IBTK: variants seen among roughly 807,000 people sequenced by gnomAD.
IBTK encodes BTK-binding protein.
IBTK carries 83 observed loss-of-function variants against 154.9 expected under a neutral mutation model. The observed-to-expected ratio is 0.54, with a 90% confidence interval of 0.45 to 0.64. The LOEUF (loss-of-function observed/expected upper bound fraction) is 0.64. Ranked by LOEUF, IBTK falls within the 30% of genes least tolerant of loss-of-function variation. IBTK has a pLI of 0.00. For synonymous variants in IBTK, 515 were observed against 536.1 expected, an observed-to-expected ratio of 0.96 and a Z score of 0.54; for missense variants, 1,332 against 1,584.6, an observed-to-expected ratio of 0.84 and a Z score of 2.71.
Position 82,201,429 on chromosome 6 carries a change from C to T in IBTK, c.2783G>A (p.Arg928Gln), listed in dbSNP as rs773778685. The stretch of plus-strand genomic sequence containing the variant: ...TTAAAACATAAACCTTACCATTTTC[C>T]GGTAAAACTCAGAAAGATCCTTCAA... ...GVLKDLSEFY[R>Q]KMIPAMDRRV... Residue 928 changes from arginine to glutamine, a missense_variant, in exon 19 of 29, where the codon CGG becomes CAG. Arg to Gln is a conservative substitution (Grantham distance 43). This residue lies in a region of IBTK where 1,134 missense variants were observed against 1,274.7 expected (regional missense o/e 0.89). Transcript: ENST00000306270. 4.5e-5 allele frequency: 72 copies of T among 1,606,892 alleles called. No homozygotes were observed. Among genetic ancestry groups the T allele is most frequent in the Non-Finnish European group, 5.4e-5 (64 of 1,175,882 alleles).
At chr6:82,214,888 T>C (rs1769812455) in intron 11 of IBTK, 59 bp from the exon 12 acceptor site, 7 of 1,486,176 alleles carry the variant, frequency 4.7e-6, no homozygotes, top group Non-Finnish European at 5.4e-6. Context: ...TCCTTTTTCA[T>C]ACCTAGCCAA....
At chr6:82,231,899 A>G in intron 3 of IBTK, 57 bp from the exon 4 acceptor site, 1 of 953,458 alleles carries the variant, frequency 1.0e-6, no homozygotes, top group Non-Finnish European at 1.6e-6. Flanking sequence ...TATAAGAACT[A>G]ATTTAACTAC....
At position 82,214,837 on chromosome 6, in the gene IBTK, G is replaced by A. The variant is rs1484095010; in HGVS notation, c.1602-8C>T. 6.5e-7 allele frequency: 1 copy of A among 1,536,822 alleles called. No homozygotes were observed. The highest frequency in any genetic ancestry group is 1.3e-5 in the South Asian group (1 of 78,428). ...GCTGGAATTTCATAAAGGCTAGAAAGAAGACAAAAACAAATTATGCTTCAA... is the reference window on the plus strand; with the variant it reads ...GCTGGAATTTCATAAAGGCTAGAAAAAAGACAAAAACAAATTATGCTTCAA... On this transcript the variant is annotated splice_region_variant and splice_polypyrimidine_tract_variant and intron_variant, in intron 11 of 28. Coordinates refer to ENST00000306270, the MANE Select transcript of IBTK (RefSeq NM_015525.4).
rs758273435 is a variant in IBTK, at chr6:82,240,406, C to G, written c.81G>C (p.Lys27Asn). 1 of 1,614,144 alleles carries G rather than the reference C, an allele frequency of 6.2e-7. No individual in the cohort carries two copies. The highest frequency in any genetic ancestry group is 8.5e-7 in the Non-Finnish European group (1 of 1,180,032). ...AGGCCTTAATCTGGTTTTCGCTCCC[C>G]TTTGTTACCACAGAAAGGACATCCA... is the stretch of plus-strand genomic sequence containing the variant. ...HALDVLSVVTKGSENQIKAFL... is the reference protein window; with the variant it reads ...HALDVLSVVTNGSENQIKAFL... The change falls in exon 2 of 29, where the codon AAG becomes AAC. Residue 27 changes from lysine to asparagine, a missense_variant. Transcript: ENST00000306270.
intron 1 of IBTK, among the ~76,000 whole-genome samples, chr6:82,242,920 A>G (rs1162963248): frequency 6.8e-6 from 1 of 147,354 alleles, no homozygotes; most frequent in African/African-American, 2.5e-5. Flanking sequence ...CTGGTGACAA[A>G]GCAAGACTCT....
At chr6:82,219,103 A>C (rs1769976689) in intron 9 of IBTK, among the ~76,000 whole-genome samples, 1 of 151,888 alleles carries the variant, frequency 6.6e-6, no homozygotes, top group African/African-American at 2.4e-5. Context: ...TACAAACTGG[A>C]GCTCTAATTC....
chr6:82,191,920 C>T lies in IBTK; in HGVS notation c.3339-41G>A, dbSNP rs1421908074. 5 of 1,140,302 alleles carry T rather than the reference C, an allele frequency of 4.4e-6. No individual in the cohort carries two copies. The South Asian group carries it at 5.5e-5, about 13-fold the overall frequency. 70.6% of individuals were successfully genotyped at this position (1,140,302 alleles called of 1,614,324 possible). ...GGTTACTTTGCAAAGCATTCATTTA[C>T]CTATAAAGCCCAACCCCCAACTTCA... is the stretch of plus-strand genomic sequence containing the variant. On this transcript the variant is annotated intron_variant, in intron 23 of 28. Transcript: ENST00000306270.
intron 9 of IBTK, among the ~76,000 whole-genome samples, chr6:82,218,884 A>C (rs928002956): frequency 2.2e-4 from 34 of 152,216 alleles, no homozygotes; most frequent in African/African-American, 7.5e-4. Context: ...AGGTCGCTAA[A>C]AAGTTATTCA....
chr6:82,200,627 T>G lies in IBTK; in HGVS notation c.2872A>C (p.Ile958Leu). The G allele has an allele frequency of 6.3e-7, 1 of 1,592,544 alleles. No individual in the cohort carries two copies. The highest frequency in any genetic ancestry group is 8.5e-7 in the Non-Finnish European group (1 of 1,171,016). The change falls in exon 20 of 29, where the codon ATC becomes CTC. Residue 958 changes from isoleucine to leucine, a missense_variant. Transcript: ENST00000306270. The stretch of plus-strand genomic sequence containing the variant: ...ATATTTATTTCTTCTTTCAAGAAGA[T>G]ATCTCCATCTTCTACTTCCAAATAG... ...ISYLEVEDGD[I>L]FLKEEINMEQ...
In IBTK at chr6:82,234,148, A is replaced by T. The variant is rs758895836; in HGVS notation, c.418+11T>A. ...GCCGCAGCGCCCAGCCCATTTGTGA[A>T]ATTTTCTTACCAGTATTCTTGAATA... On this transcript the variant is annotated intron_variant, in intron 3 of 28. Coordinates refer to ENST00000306270, the MANE Select transcript of IBTK (RefSeq NM_015525.4). 15 of 1,467,708 alleles carry T rather than the reference A, an allele frequency of 1.0e-5. No homozygotes were observed. The highest frequency in any genetic ancestry group is 1.2e-5 in the Non-Finnish European group (13 of 1,055,426). 90.9% of individuals were successfully genotyped at this position (1,467,708 alleles called of 1,614,324 possible).
At chr6:82,236,681 T>A (rs1295099614) in intron 2 of IBTK, among the ~76,000 whole-genome samples, 1 of 152,234 alleles carries the variant, frequency 6.6e-6, no homozygotes, top group African/African-American at 2.4e-5. Flanking sequence ...GTTATAGCTA[T>A]GAAGTTTTAT....
intron 25 of IBTK, among the ~76,000 whole-genome samples, chr6:82,187,643 T>C (rs1289169384): frequency 6.6e-6 from 1 of 151,912 alleles, no homozygotes. Flanking sequence ...AGTCATCAGG[T>C]GGGTGACAGT....
intron 16 of IBTK, among the ~76,000 whole-genome samples, chr6:82,208,456 T>C (rs1253419230): frequency 6.6e-6 from 1 of 152,066 alleles, no homozygotes; most frequent in Non-Finnish European, 1.5e-5. Flanking sequence ...CAAGTCAACA[T>C]AGACAATTTG....
rs190024429 is a variant in IBTK, at chr6:82,195,524, G to C, written c.3174+774C>G. ...GCCCGGGAAATCAAAGCTGCAGTGA[G>C]CTGATACTATACCACTGCACTCCAG... On this transcript the variant is annotated intron_variant, in intron 22 of 28. Coordinates refer to ENST00000306270, the MANE Select transcript of IBTK (RefSeq NM_015525.4). Among the ~76,000 whole-genome samples the C allele has an allele frequency of 1.2e-3, 184 of 152,080 alleles. 1 individual carries two copies. Among genetic ancestry groups the C allele is most frequent in the African/African-American group, 4.2e-3 (174 of 41,482 alleles).
In IBTK at chr6:82,191,875, C is replaced by T; in HGVS notation, c.3343G>A (p.Val1115Ile). Reference protein sequence around the residue: ...ASWVAGSFSPVSPPVVDLRTI... With the variant: ...ASWVAGSFSPISPPVVDLRTI... ...CTGAGATCCACAACAGGAGGGCTGA[C>T]AGGACTAAAAGACATAAAAGGTTAC... Residue 1115 changes from valine (V) to isoleucine (I), a missense_variant, in exon 24 of 29, where the codon GTC (valine) becomes ATC (isoleucine). Physicochemically the swap from Val to Ile is conservative, Grantham distance 29. This residue lies in a region of IBTK where 1,134 missense variants were observed against 1,274.7 expected (regional missense o/e 0.89). Coordinates refer to ENST00000306270, the MANE Select transcript of IBTK (RefSeq NM_015525.4). The T allele has an allele frequency of 1.2e-6, 2 of 1,602,282 alleles. No individual in the cohort carries two copies. The highest frequency in any genetic ancestry group is 1.1e-5 in the South Asian group (1 of 90,204).
chr6:82,214,890 C>A, intron 11 of IBTK, 61 bp from the exon 12 acceptor site: 2 of 1,479,810 alleles, frequency 1.4e-6, no homozygotes, highest in East Asian at 2.3e-5. Context: ...CTTTTTCATA[C>A]CTAGCCAATT....
chr6:82,189,974 C>T (rs762309353), intron 25 of IBTK, among the ~76,000 whole-genome samples: 13 of 152,122 alleles, frequency 8.5e-5, no homozygotes, highest in African/African-American at 1.7e-4. Context: ...CTGTCTTGTT[C>T]ATTGCCTTAT....
At chr6:82,182,726 C>A (rs1258330507) in intron 25 of IBTK, among the ~76,000 whole-genome samples, 1 of 152,090 alleles carries the variant, frequency 6.6e-6, no homozygotes, top group East Asian at 1.9e-4. Flanking sequence ...AAAACCAAAG[C>A]TAAACAGAAA....
At chr6:82,190,387 T>C (rs556827647) in intron 25 of IBTK, among the ~76,000 whole-genome samples, 9 of 152,268 alleles carry the variant, frequency 5.9e-5, no homozygotes, top group African/African-American at 1.9e-4. Context: ...TCGTAAGGCT[T>C]CACATTCTCC....
Sources: allele counts gnomAD v4.1 joint callset (sites outside exome capture counted in the v4.1 genomes callset), GRCh38; gene constraint gnomAD v4.1.1; regional missense constraint gnomAD v4.1.1; transcripts MANE v1.5; gene names NCBI Gene and HGNC (gene_info 2026-07-23, HGNC 2026-07-21).